The following DNAJC10 variants were observed in gnomAD, a reference collection of about 807,000 sequenced individuals.
The protein encoded by DNAJC10 is DnaJ heat shock protein family (Hsp40) member C10, also known as endoplasmic reticulum disulfide reductase DNAJC10.
A neutral mutation model predicts 115.0 loss-of-function variants in DNAJC10; 101 were observed. That is an observed-to-expected ratio of 0.88 (90% confidence interval 0.75 to 1.04). The LOEUF (loss-of-function observed/expected upper bound fraction) is 1.04. DNAJC10 is among the 50% of genes least tolerant of loss of function. The pLI, the probability that DNAJC10 is intolerant of heterozygous loss-of-function variation, is 0.00. For missense variants in DNAJC10, 981 were observed against 928.8 expected, an observed-to-expected ratio of 1.06 and a Z score of -0.73; for synonymous variants, 307 against 301.5, an observed-to-expected ratio of 1.02 and a Z score of -0.19.
intron 5 of DNAJC10, among the ~76,000 whole-genome samples, chr2:182,724,472 T>A (rs1400314401): frequency 6.6e-6 from 1 of 152,184 alleles, no homozygotes; most frequent in Non-Finnish European, 1.5e-5. Flanking sequence ...TAGTTAATAT[T>A]TTAAAATAAA....
At position 182,760,432 on chromosome 2, in the gene DNAJC10, C is replaced by T. The variant is rs528945141; in HGVS notation, c.2145+1125C>T. ...AGTTGTAGCAATTTTGGGTTTTGTT[C>T]GGTTGGTTGGTTTTATTTTTCGGTA... is the stretch of plus-strand genomic sequence containing the variant. On this transcript the variant is annotated intron_variant, in intron 21 of 23. Coordinates refer to ENST00000264065, the MANE Select transcript of DNAJC10 (RefSeq NM_018981.4). Among the ~76,000 whole-genome samples, 7 of 152,168 alleles carry T rather than the reference C, an allele frequency of 4.6e-5. No individual in the cohort carries two copies. In the South Asian group the frequency reaches 1.2e-3, roughly 27 times the overall value.
Position 182,779,225 on chromosome 2 carries a change from A to T in DNAJC10, c.*2093A>T, listed in dbSNP as rs1250755228. On this transcript the variant is annotated 3_prime_UTR_variant, in exon 24 of 24. Transcript: ENST00000264065. ...TACATCAAGGTTATCTTATATAGTC[A>T]TAACAGTATTATTGGGTCTTTCAAA... 6.6e-6 allele frequency: 1 copy of T among 152,256 alleles called. No individual in the cohort carries two copies. Among genetic ancestry groups the T allele is most frequent in the Non-Finnish European group, 1.5e-5 (1 of 68,056 alleles). The allele number at this position is 152,256 out of a possible 1,614,324, so 9.4% of individuals were successfully genotyped here.
intron 5 of DNAJC10, among the ~76,000 whole-genome samples, chr2:182,727,052 G>GT (rs1266480158): frequency 2.4e-5 from 2 of 82,490 alleles, no homozygotes; most frequent in Non-Finnish European, 4.9e-5. Flanking sequence ...ACATTGTTTT[G>GT]TTTGTTTTTT....
At chr2:182,756,625 G>A (rs1261354901) in intron 18 of DNAJC10, among the ~76,000 whole-genome samples, 156 bp downstream of exon 18, 3 of 152,012 alleles carry the variant, frequency 2.0e-5, no homozygotes, top group African/African-American at 7.2e-5. Flanking sequence ...GTTTCTGTCT[G>A]GTGTGTGAAT....
intron 21 of DNAJC10, among the ~76,000 whole-genome samples, chr2:182,762,159 G>GAA (rs34152329): frequency 4.6e-5 from 3 of 65,246 alleles, no homozygotes; most frequent in African/African-American, 8.6e-5. Flanking sequence ...TGCTGCTCAG[G>GAA]AAAAAAAAAA....
Position 182,785,718 on chromosome 2 carries a change from G to A in DNAJC10, c.*8586G>A, listed in dbSNP as rs1694934184. On this transcript the variant is annotated 3_prime_UTR_variant, in exon 24 of 24. Transcript: ENST00000264065. ...GCTTTTCAGTCATGAGCCAAATGCA[G>A]TATGTGGGCTATATTTGCATCTTGA... The A allele has an allele frequency of 6.6e-6, 1 of 152,220 alleles. No individual in the cohort carries two copies. The highest frequency in any genetic ancestry group is 2.4e-5 in the African/African-American group (1 of 41,546). 9.4% of individuals were successfully genotyped at this position (152,220 alleles called of 1,614,324 possible). A position where few individuals can be genotyped will look rare whatever the true frequency, so the allele number is the denominator to read the frequency against.
At chr2:182,743,355 A>T (rs1693783944) in intron 13 of DNAJC10, among the ~76,000 whole-genome samples, 1 of 152,042 alleles carries the variant, frequency 6.6e-6, no homozygotes, top group Non-Finnish European at 1.5e-5. Context: ...TTCTGGAATA[A>T]CTTCATATTT....
chr2:182,755,102 G>A lies in DNAJC10; in HGVS notation c.1651G>A (p.Glu551Lys). The change falls in exon 17 of 24, where the codon GAG (glutamate) becomes AAG (lysine). Residue 551 changes from glutamate (E) to lysine (K), a missense_variant and splice_region_variant. Transcript: ENST00000264065. ...TGCTGAACAAATCTTGGAGTTCATA[G>A]AGGTATTTCAGATTATAGACTATGT... The part of the protein sequence containing the change: ...HSAEQILEFI[E>K]DLMNPSVVSL... The A allele has an allele frequency of 6.4e-7, 1 of 1,572,870 alleles. No individual in the cohort carries two copies. Among genetic ancestry groups the A allele is most frequent in the Non-Finnish European group, 8.8e-7 (1 of 1,142,756 alleles).
At chr2:182,719,551 C>G (rs16823628) in intron 3 of DNAJC10, among the ~76,000 whole-genome samples, 2,139 of 152,000 alleles carry the variant, frequency 0.014, 125 homozygotes, top group Admixed American at 0.11. Flanking sequence ...TTTTCTGATA[C>G]TGGCTTTTAT....
intron 20 of DNAJC10, 61 bp from the exon 21 acceptor site, chr2:182,759,099 G>A (rs1363208739): frequency 2.9e-6 from 4 of 1,381,154 alleles, no homozygotes; most frequent in African/African-American, 1.5e-5. Context: ...CAATATTATT[G>A]CATTTCATAT....
At chr2:182,760,414 G>A (rs1694260347) in intron 21 of DNAJC10, among the ~76,000 whole-genome samples, 1 of 152,126 alleles carries the variant, frequency 6.6e-6, no homozygotes, top group Admixed American at 6.6e-5. Flanking sequence ...ATTAGTTGTA[G>A]CAATTTTGGG....
intron 5 of DNAJC10, among the ~76,000 whole-genome samples, chr2:182,722,636 T>A (rs1693181004): frequency 6.6e-6 from 1 of 152,184 alleles, no homozygotes; most frequent in Non-Finnish European, 1.5e-5. Flanking sequence ...CAATTGTATT[T>A]AATTTAGAAA....
intron 3 of DNAJC10, 49 bp downstream of exon 3, chr2:182,718,339 T>C (rs1461796305): frequency 7.0e-7 from 1 of 1,421,092 alleles, no homozygotes; most frequent in East Asian, 2.4e-5. Context: ...TTTTGGTACA[T>C]TTTGATATTT....
chr2:182,738,942 AAC>A (rs2105641071), intron 11 of DNAJC10, among the ~76,000 whole-genome samples: 1 of 152,190 alleles, frequency 6.6e-6, no homozygotes, highest in African/African-American at 2.4e-5. Context: ...AGGTGTAACT[AAC>A]AAATTCTCCT....
In DNAJC10 at chr2:182,720,185, A is replaced by C; in HGVS notation, c.367+16A>C. On this transcript the variant is annotated intron_variant, in intron 4 of 23. Transcript: ENST00000264065. ...TATGATTTTGGTAAGGTGATACGAT[A>C]TTACTTATGAAATGTGTTTTATCTG... is the stretch of plus-strand genomic sequence containing the variant. 1 of 1,590,012 alleles carries C rather than the reference A, an allele frequency of 6.3e-7. No individual in the cohort carries two copies. The highest frequency in any genetic ancestry group is 8.6e-7 in the Non-Finnish European group (1 of 1,168,308).
At chr2:182,761,417 C>T (rs1694282003) in intron 21 of DNAJC10, among the ~76,000 whole-genome samples, 1 of 152,106 alleles carries the variant, frequency 6.6e-6, no homozygotes, top group Admixed American at 6.6e-5. Context: ...TGCCTACATG[C>T]TTGTGCCCTA....
At chr2:182,751,383 C>G (rs1204735077) in intron 14 of DNAJC10, among the ~76,000 whole-genome samples, 1 of 151,904 alleles carries the variant, frequency 6.6e-6, no homozygotes, top group Non-Finnish European at 1.5e-5. Flanking sequence ...ATCTGCCCAC[C>G]TCGGCCTCTC....
intron 16 of DNAJC10, among the ~76,000 whole-genome samples, chr2:182,753,588 T>G (rs549805375): frequency 7.1e-6 from 1 of 140,026 alleles, no homozygotes; most frequent in Non-Finnish European, 1.6e-5. Context: ...AGTTTTTTTT[T>G]TTTTTTTTTT....
chr2:182,741,368 G>A lies in DNAJC10; in HGVS notation c.1191+12G>A. 1 of 1,370,638 alleles carries A rather than the reference G, an allele frequency of 7.3e-7. No homozygotes were observed. Among genetic ancestry groups the A allele is most frequent in the Non-Finnish European group, 1.0e-6 (1 of 981,180 alleles). 84.9% of individuals were successfully genotyped at this position (1,370,638 alleles called of 1,614,324 possible). A position where few individuals can be genotyped will look rare whatever the true frequency, so the allele number is the denominator to read the frequency against. ...ATGATCATATTCAAGTAAGAAAAATGTATTCTGCCTAGCCTTCTGCTGGTG... is the reference window on the plus strand; with the variant it reads ...ATGATCATATTCAAGTAAGAAAAATATATTCTGCCTAGCCTTCTGCTGGTG... On this transcript the variant is annotated intron_variant, in intron 13 of 23. Transcript: ENST00000264065.
Sources: gnomAD v4.1 joint callset for allele counts (sites outside exome capture counted in the v4.1 genomes callset) on GRCh38, gnomAD v4.1.1 for gene constraint, MANE v1.5 for transcripts, NCBI Gene and HGNC (gene_info 2026-07-23, HGNC 2026-07-21) for gene names.